OSBPL8: variants seen among roughly 807,000 people sequenced by gnomAD.
OSBPL8 encodes oxysterol binding protein like 8.
OSBPL8 carries 59 observed loss-of-function variants against 125.5 expected under a neutral mutation model. That is an observed-to-expected ratio of 0.47 (90% CI 0.38 to 0.58). OSBPL8 has a LOEUF of 0.58. OSBPL8 is among the 20% of genes least tolerant of loss of function. The probability of loss-of-function intolerance (pLI) is 0.00; values close to 1 mark genes in which losing one functional copy is unlikely to be tolerated. For synonymous variants in OSBPL8, 330 were observed against 338.9 expected (o/e 0.97, Z 0.29); for missense variants, 758 against 1,047.8 (o/e 0.72, Z 3.82).
chr12:76,495,597 A>G (rs1055227456), intron 1 of OSBPL8, among the ~76,000 whole-genome samples: 8 of 152,102 alleles, frequency 5.3e-5, no homozygotes, highest in African/African-American at 1.9e-4. Flanking sequence ...CTATGTCTCT[A>G]TTCTCCAGAC....
chr12:76,385,104 A>G (rs1953253975), intron 14 of OSBPL8, among the ~76,000 whole-genome samples: 1 of 152,220 alleles, frequency 6.6e-6, no homozygotes, highest in African/African-American at 2.4e-5. Flanking sequence ...CTCTTACATG[A>G]GACAAACTAA....
chr12:76,455,783 GA>G (rs1194562290), intron 3 of OSBPL8, among the ~76,000 whole-genome samples: 5 of 152,176 alleles, frequency 3.3e-5, no homozygotes, highest in Admixed American at 1.3e-4. Flanking sequence ...ATAAGTTTAA[GA>G]GGGACAGTGA....
At chr12:76,401,172 C>A (rs1007220435) in intron 6 of OSBPL8, among the ~76,000 whole-genome samples, 1 of 151,960 alleles carries the variant, frequency 6.6e-6, no homozygotes, top group African/African-American at 2.4e-5. Flanking sequence ...TTTATTATAC[C>A]CCCAACCTAT....
intron 4 of OSBPL8, 82 bp downstream of exon 4, chr12:76,450,769 G>T: frequency 7.5e-7 from 1 of 1,339,174 alleles, no homozygotes; most frequent in Non-Finnish European, 1.0e-6. Context: ...AAATATGATA[G>T]TCCCCAAATG....
chr12:76,483,601 C>A (rs540812490), intron 2 of OSBPL8, among the ~76,000 whole-genome samples: 23 of 137,636 alleles, frequency 1.7e-4, no homozygotes, highest in African/African-American at 6.3e-4. Context: ...AGAAGGAAAG[C>A]AAATGAATAA....
At chr12:76,357,913 A>G (rs922328281) in intron 22 of OSBPL8, among the ~76,000 whole-genome samples, 8 of 151,730 alleles carry the variant, frequency 5.3e-5, no homozygotes, top group South Asian at 2.1e-4. Context: ...ATTATATCTC[A>G]ATGTAGTTCA....
intron 1 of OSBPL8, among the ~76,000 whole-genome samples, chr12:76,504,715 C>T (rs1018113135): frequency 1.3e-5 from 2 of 152,170 alleles, no homozygotes; most frequent in African/African-American, 4.8e-5. Context: ...AAGTAAACTG[C>T]CTTTGTAAAA....
At chr12:76,419,642 A>G (rs1489751172) in intron 4 of OSBPL8, among the ~76,000 whole-genome samples, 1 of 152,212 alleles carries the variant, frequency 6.6e-6, no homozygotes, top group Non-Finnish European at 1.5e-5. Flanking sequence ...CTTCATATAA[A>G]AAGAAAAAAA....
intron 5 of OSBPL8, among the ~76,000 whole-genome samples, chr12:76,403,331 T>C (rs1592613308): frequency 6.6e-6 from 1 of 152,248 alleles, no homozygotes; most frequent in Admixed American, 6.5e-5. Flanking sequence ...AAATTATTCA[T>C]GTCTTAAATT....
chr12:76,545,965 G>A (rs1231516368), intron 1 of OSBPL8, among the ~76,000 whole-genome samples: 1 of 152,008 alleles, frequency 6.6e-6, no homozygotes, highest in Admixed American at 6.5e-5. Flanking sequence ...GAACTGCATG[G>A]GTCCACTTAT....
chr12:76,365,884 A>G (rs1194451796), intron 21 of OSBPL8, among the ~76,000 whole-genome samples: 1 of 152,132 alleles, frequency 6.6e-6, no homozygotes, highest in African/African-American at 2.4e-5. Context: ...TTAATGTGAT[A>G]TATTACATTG....
intron 2 of OSBPL8, among the ~76,000 whole-genome samples, chr12:76,469,091 C>CG (rs1488668867): frequency 2.0e-5 from 3 of 152,174 alleles, no homozygotes; most frequent in Non-Finnish European, 2.9e-5. Context: ...TCTGTCCTCT[C>CG]TTAGTTTCCA....
intron 15 of OSBPL8, among the ~76,000 whole-genome samples, chr12:76,383,016 A>G (rs1295641207): frequency 6.6e-6 from 1 of 152,210 alleles, no homozygotes; most frequent in East Asian, 1.9e-4. Context: ...CATGTATTAA[A>G]AGGAAAAAAT....
At chr12:76,531,631 T>C (rs1052678285) in intron 1 of OSBPL8, among the ~76,000 whole-genome samples, 3 of 152,192 alleles carry the variant, frequency 2.0e-5, no homozygotes, top group African/African-American at 4.8e-5. Context: ...GGGGGAGAGA[T>C]AACTGAATTA....
chr12:76,358,663 T>A (rs765420048), intron 22 of OSBPL8, 43 bp downstream of exon 22: 1 of 1,458,402 alleles, frequency 6.9e-7, no homozygotes, highest in Non-Finnish European at 9.6e-7. Flanking sequence ...TGTGTAGTAA[T>A]TAAAAAGTTA....
intron 2 of OSBPL8, among the ~76,000 whole-genome samples, chr12:76,485,743 TAGAG>T (rs1013558525): frequency 1.2e-4 from 19 of 152,210 alleles, no homozygotes; most frequent in Non-Finnish European, 2.5e-4. Context: ...TGTGAAGTCT[TAGAG>T]AAGATAATTA....
rs555970672 is a variant in OSBPL8, at chr12:76,416,246, T to C, written c.218-5612A>G. Among the ~76,000 whole-genome samples the C allele has an allele frequency of 1.8e-4, 27 of 152,194 alleles. 1 individual carries two copies. The South Asian group carries it at 5.4e-3, about 30-fold the overall frequency. The stretch of plus-strand genomic sequence containing the variant: ...TATTGAACTTTTTGTTATAGATTTC[T>C]AACATAAAAAATAAGGTCAGATAAT... On this transcript the variant is annotated intron_variant, in intron 4 of 23. Coordinates refer to ENST00000261183, the MANE Select transcript of OSBPL8 (RefSeq NM_020841.5).
chr12:76,456,379 G>C (rs1223046305), intron 3 of OSBPL8, among the ~76,000 whole-genome samples: 1 of 152,164 alleles, frequency 6.6e-6, no homozygotes, highest in Non-Finnish European at 1.5e-5. Flanking sequence ...TTTAGGGACT[G>C]GGAGTGGTAG....
chr12:76,440,375 G>GGT (rs1473216921), intron 4 of OSBPL8, among the ~76,000 whole-genome samples: 10 of 151,880 alleles, frequency 6.6e-5, no homozygotes, highest in Admixed American at 6.6e-4. Context: ...CTTTCTTACA[G>GGT]GTGCACAATG....
Sources: gnomAD v4.1 joint callset for allele counts (sites outside exome capture counted in the v4.1 genomes callset) on GRCh38, gnomAD v4.1.1 for gene constraint, MANE v1.5 for transcripts, NCBI Gene and HGNC (gene_info 2026-07-23, HGNC 2026-07-21) for gene names.